SLIT2: variants seen among roughly 807,000 people sequenced by gnomAD.
SLIT2 encodes the protein slit homolog 2 protein.
In SLIT2, 41 loss-of-function variants were observed where a neutral mutation model predicts 185.7. The ratio of observed to expected loss-of-function variants is 0.22; its 90% CI spans 0.17 to 0.29. The LOEUF (loss-of-function observed/expected upper bound fraction) is 0.29. Among genes scored for constraint, SLIT2 ranks in the 10% least tolerant of loss-of-function variants. The pLI is 1.00. For synonymous variants in SLIT2, 693 were observed against 680.2 expected, an observed-to-expected ratio of 1.02 and a Z score of -0.29; for missense variants, 1,571 against 1,909.0, an observed-to-expected ratio of 0.82 and a Z score of 3.30.
chr4:20,492,595 A>C (rs1208564212), intron 9 of SLIT2, among the ~76,000 whole-genome samples: 1 of 152,196 alleles, frequency 6.6e-6, no homozygotes, highest in Non-Finnish European at 1.5e-5. Flanking sequence ...AAAAGTAAGC[A>C]CTAGGGAAAA....
In SLIT2 at chr4:20,523,892, C is replaced by A; in HGVS notation, c.1263C>A (p.Ala421=). The change falls in exon 13 of 37, where the codon GCC becomes GCA. Residue 421 remains alanine, a synonymous_variant. Coordinates refer to ENST00000504154, the MANE Select transcript of SLIT2 (RefSeq NM_004787.4). Reference sequence around the variant, plus strand: ...AGGGGACCTTTTCACCTCTTCGGGCCATTCAAACTATGTATGTATAAGTGA... The same window carrying A: ...AGGGGACCTTTTCACCTCTTCGGGCAATTCAAACTATGTATGTATAAGTGA... ...IAKGTFSPLR[A]IQTMHLAQNP... The A allele has an allele frequency of 1.9e-6, 3 of 1,614,084 alleles. No homozygotes were observed. The highest frequency in any genetic ancestry group is 2.5e-6 in the Non-Finnish European group (3 of 1,179,964).
At chr4:20,605,711 ATATTTTATTTTATTTTATTTTATTT>A (rs376845737) in intron 33 of SLIT2, among the ~76,000 whole-genome samples, 1 of 131,864 alleles carries the variant, frequency 7.6e-6, no homozygotes, top group East Asian at 2.1e-4. Context: ...ATTTTATTTT[ATATTTTATTTTATTTTATTTTATTT>A]TATTTTATTT....
chr4:20,456,736 A>G (rs977816251), intron 4 of SLIT2, among the ~76,000 whole-genome samples: 1 of 152,174 alleles, frequency 6.6e-6, no homozygotes, highest in Non-Finnish European at 1.5e-5. Flanking sequence ...TGTTGACTAA[A>G]TATGAAACTC....
At chr4:20,322,311 A>G (rs1719165593) in intron 4 of SLIT2, among the ~76,000 whole-genome samples, 1 of 152,180 alleles carries the variant, frequency 6.6e-6, no homozygotes, top group Non-Finnish European at 1.5e-5. Context: ...TTAGGGAGAC[A>G]TGAGACATCA....
chr4:20,534,162 C>CT (rs1722062076), intron 18 of SLIT2, among the ~76,000 whole-genome samples: 1 of 152,138 alleles, frequency 6.6e-6, no homozygotes, highest in Non-Finnish European at 1.5e-5. Context: ...CTATACTATA[C>CT]TTCTTCTTGG....
At chr4:20,552,683 C>G (rs924560354) in intron 25 of SLIT2, 5 of 152,036 alleles carry the variant, frequency 3.3e-5, no homozygotes, top group African/African-American at 1.2e-4. Flanking sequence ...ATTAAAACTT[C>G]CACAGTATCG....
chr4:20,531,734 T>A (rs1721829899), intron 16 of SLIT2, among the ~76,000 whole-genome samples: 1 of 150,738 alleles, frequency 6.6e-6, no homozygotes, highest in Non-Finnish European at 1.5e-5. Context: ...TAGAGATTAC[T>A]GAGAGCTGGT....
At chr4:20,340,576 C>T (rs1720879871) in intron 4 of SLIT2, among the ~76,000 whole-genome samples, 1 of 152,110 alleles carries the variant, frequency 6.6e-6, no homozygotes, top group South Asian at 2.1e-4. Context: ...TAGACAAAAA[C>T]AGTAACATAA....
chr4:20,469,961 G>T (rs1714794697), intron 5 of SLIT2, among the ~76,000 whole-genome samples: 1 of 151,596 alleles, frequency 6.6e-6, no homozygotes. Flanking sequence ...CATCATGTTG[G>T]TCAGGCTGGT....
At chr4:20,475,163 A>G (rs1021796824) in intron 5 of SLIT2, among the ~76,000 whole-genome samples, 4 of 152,130 alleles carry the variant, frequency 2.6e-5, no homozygotes, top group African/African-American at 9.7e-5. Context: ...TGCTCAAGCC[A>G]GAATGGCCTC....
chr4:20,584,354 C>T (rs1726867977), intron 29 of SLIT2, among the ~76,000 whole-genome samples: 1 of 152,202 alleles, frequency 6.6e-6, no homozygotes, highest in South Asian at 2.1e-4. Flanking sequence ...TGCTGATTCA[C>T]TCTTCACTCC....
intron 10 of SLIT2, among the ~76,000 whole-genome samples, chr4:20,510,858 G>A (rs927916258): frequency 6.6e-6 from 1 of 152,098 alleles, no homozygotes; most frequent in Non-Finnish European, 1.5e-5. Context: ...ATAAGACATA[G>A]CATCTTATAT....
chr4:20,403,482 G>A (rs1206663417), intron 4 of SLIT2, among the ~76,000 whole-genome samples: 1 of 151,894 alleles, frequency 6.6e-6, no homozygotes, highest in East Asian at 1.9e-4. Flanking sequence ...AGGGCTCCCT[G>A]TAGAATAACA....
At chr4:20,368,236 A>G (rs200902377) in intron 4 of SLIT2, among the ~76,000 whole-genome samples, 43 of 147,780 alleles carry the variant, frequency 2.9e-4, no homozygotes, top group African/African-American at 7.6e-4. Flanking sequence ...AAAAAAAAAG[A>G]AAAAAAAGAA....
chr4:20,539,583 C>A lies in SLIT2; in HGVS notation c.1975C>A (p.Leu659Ile). ...AFDTLHSLSTLNLLANPFNCN... is the reference protein window; with the variant it reads ...AFDTLHSLSTINLLANPFNCN... ...TGATACTCTCCATTCTTTATCTACTCTGTAAGTATGAAAAATAGCCCTTAT... is the reference window on the plus strand; with the variant it reads ...TGATACTCTCCATTCTTTATCTACTATGTAAGTATGAAAAATAGCCCTTAT... Residue 659 changes from leucine (L) to isoleucine (I), a missense_variant and splice_region_variant, in exon 19 of 37, where the codon CTA becomes ATA. Leu to Ile is a conservative substitution (Grantham distance 5). This residue lies in a region of SLIT2 where 1,202 missense variants were observed against 1,416.4 expected (regional missense o/e 0.85). Coordinates refer to ENST00000504154, the MANE Select transcript of SLIT2 (RefSeq NM_004787.4). The A allele has an allele frequency of 6.2e-7, 1 of 1,601,162 alleles. No individual in the cohort carries two copies. Among genetic ancestry groups the A allele is most frequent in the South Asian group, 1.1e-5 (1 of 89,198 alleles).
rs538291228 is a variant in SLIT2 at position 20,595,715 on chromosome 4, G to T, written c.3201G>T (p.Gly1067=). 2.2e-5 allele frequency: 36 copies of T among 1,614,080 alleles called. No individual in the cohort carries two copies. In the East Asian group the frequency reaches 6.2e-4, roughly 28 times the overall value. ...CCAACAGATGTGACTGCACACCAGG[G>T]TACGTAGGTGAACACTGCGACATCG... ...PKGFKCDCTP[G]YVGEHCDIDF... is the part of the protein sequence containing the mutation. The change falls in exon 31 of 37, where the codon GGG becomes GGT. Residue 1067 remains glycine, a synonymous_variant. Transcript: ENST00000504154.
chr4:20,472,591 T>TATATCTAGATATATCAATATATATCG (rs1560455431), intron 5 of SLIT2, among the ~76,000 whole-genome samples: 1 of 14,986 alleles, frequency 6.7e-5, no homozygotes, highest in African/African-American at 4.5e-4. Context: ...TATATATAGA[T>TATATCTAGATATATCAATATATATCG]ATATATCTAT....
At chr4:20,550,691 C>T in intron 24 of SLIT2, 136 bp from the exon 25 acceptor site, 1 of 475,642 alleles carries the variant, frequency 2.1e-6, no homozygotes, top group Non-Finnish European at 3.7e-6. Flanking sequence ...CCAGTTGTAC[C>T]AAAACTGTTT....
Position 20,486,359 on chromosome 4 carries a change from A to C in SLIT2, c.611+88A>C, listed in dbSNP as rs202228363. 7.7e-5 allele frequency: 59 copies of C among 762,446 alleles called. 1 individual carries two copies. The East Asian group carries it at 1.5e-3, about 19-fold the overall frequency. 47.2% of individuals were successfully genotyped at this position (762,446 alleles called of 1,614,324 possible). On this transcript the variant is annotated intron_variant, in intron 7 of 36. Transcript: ENST00000504154. Reference sequence around the variant, plus strand: ...TGTTCAGTAAGCAAAGGACAGGACCACTGGTTTACAAGGTAGACAAGGAAA... The same window carrying C: ...TGTTCAGTAAGCAAAGGACAGGACCCCTGGTTTACAAGGTAGACAAGGAAA...
Sources: allele counts gnomAD v4.1 joint callset (sites outside exome capture counted in the v4.1 genomes callset), GRCh38; gene constraint gnomAD v4.1.1; regional missense constraint gnomAD v4.1.1; transcripts MANE v1.5; gene names NCBI Gene and HGNC (gene_info 2026-07-23, HGNC 2026-07-21).